Variants in WAC observed in about 807,000 individuals in gnomAD.
WAC encodes the protein WW domain containing adaptor with coiled-coil, also known as WW domain-containing adapter protein with coiled-coil.
A neutral mutation model predicts 79.6 loss-of-function variants in WAC; 11 were observed. The observed-to-expected ratio is 0.14, with a 90% confidence interval of 0.09 to 0.23. The LOEUF is 0.23. Ranked by LOEUF, WAC falls within the 10% of genes least tolerant of loss-of-function variation. The pLI, the probability that WAC is intolerant of heterozygous loss-of-function variation, is 1.00. For synonymous variants in WAC, 304 were observed against 276.9 expected, an observed-to-expected ratio of 1.10 and a Z score of -0.97; for missense variants, 728 against 773.5, an observed-to-expected ratio of 0.94 and a Z score of 0.70.
intron 3 of WAC, among the ~76,000 whole-genome samples, chr10:28,568,708 G>A (rs1287264611): frequency 4.6e-5 from 7 of 151,830 alleles, no homozygotes; most frequent in South Asian, 2.1e-4. Flanking sequence ...CACACCCCAC[G>A]ACAGGCCCTG....
intron 7 of WAC, among the ~76,000 whole-genome samples, chr10:28,603,778 C>CA (rs1369048628): frequency 6.6e-6 from 1 of 150,804 alleles, no homozygotes; most frequent in African/African-American, 2.4e-5. Context: ...ACTAAAAATA[C>CA]AAAAAATTAG....
chr10:28,606,050 T>C (rs1399909237), intron 7 of WAC, among the ~76,000 whole-genome samples: 1 of 63,558 alleles, frequency 1.6e-5, no homozygotes, highest in Admixed American at 2.1e-4. Flanking sequence ...GACAGCAGTT[T>C]TTTGGTTTTT....
intron 7 of WAC, among the ~76,000 whole-genome samples, chr10:28,600,951 G>GTTAT (rs1840613930): frequency 6.6e-6 from 1 of 151,824 alleles, no homozygotes; most frequent in Non-Finnish European, 1.5e-5. Flanking sequence ...CACCGAGAAT[G>GTTAT]GATCAAAGAC....
chr10:28,594,646 A>G (rs1032192105), intron 6 of WAC, among the ~76,000 whole-genome samples: 3 of 152,100 alleles, frequency 2.0e-5, no homozygotes, highest in Admixed American at 6.5e-5. Flanking sequence ...ACTGACTTCT[A>G]GTTTGAATGT....
At chr10:28,601,116 T>C (rs1377834749) in intron 7 of WAC, among the ~76,000 whole-genome samples, 3 of 152,138 alleles carry the variant, frequency 2.0e-5, no homozygotes, top group African/African-American at 7.2e-5. Context: ...TAAAAACTTG[T>C]ACATCAAAGG....
At chr10:28,619,429 A>T in intron 13 of WAC, 108 bp from the exon 14 acceptor site, 1 of 804,112 alleles carries the variant, frequency 1.2e-6, no homozygotes, top group Non-Finnish European at 1.9e-6. Context: ...TCTTTGCCTT[A>T]ATTAGAAATC....
At chr10:28,539,069 A>T (rs1564371097) in intron 3 of WAC, among the ~76,000 whole-genome samples, 1 of 152,122 alleles carries the variant, frequency 6.6e-6, no homozygotes, top group South Asian at 2.1e-4. Flanking sequence ...TTCTTTACTA[A>T]TAATAACCTA....
intron 2 of WAC, chr10:28,535,335 GT>G (rs1292434190): frequency 8.9e-5 from 26 of 291,518 alleles, no homozygotes; most frequent in African/African-American, 3.0e-4. Flanking sequence ...AATGGAGTGG[GT>G]TTTTTTTGTG....
Position 28,590,799 on chromosome 10 carries a change from C to G in WAC, c.577C>G (p.Gln193Glu), listed in dbSNP as rs963822803. 7.4e-6 allele frequency: 12 copies of G among 1,611,600 alleles called. No individual in the cohort carries two copies. The highest frequency in any genetic ancestry group is 1.3e-5 in the African/African-American group (1 of 74,836). Residue 193 changes from glutamine to glutamate, a missense_variant, in exon 6 of 14, where the codon CAA becomes GAA. By Grantham distance (29) the Gln-to-Glu change is conservative. Around this residue, in one of 3 missense-constraint regions of WAC, gnomAD observed 648 missense variants for 661.5 expected, o/e 0.98. Coordinates refer to ENST00000354911, the MANE Select transcript of WAC (RefSeq NM_016628.5). Reference protein sequence around the residue: ...KDRDYRREVMQATATSGFASG... With the variant: ...KDRDYRREVMEATATSGFASG... ...TAGGGATTACAGAAGAGAGGTGATG[C>G]AAGCAACAGCCACTAGTGGGTTTGC...
intron 7 of WAC, among the ~76,000 whole-genome samples, chr10:28,600,351 T>C (rs1412209148): frequency 1.3e-5 from 2 of 152,038 alleles, no homozygotes; most frequent in African/African-American, 2.4e-5. Flanking sequence ...TAAATGACAA[T>C]TGAATGAACT....
In WAC at chr10:28,535,718, A is replaced by C. The variant is rs1303608590; in HGVS notation, c.235A>C (p.Lys79Gln). ...YSDSTGHSKAKNVHTHRVRER... is the reference protein window; with the variant it reads ...YSDSTGHSKAQNVHTHRVRER... Reference sequence around the variant, plus strand: ...TGACAGCACAGGTCACAGTAAGGCCAAAAATGTGCATACTCACAGAGTTAG... The same window carrying C: ...TGACAGCACAGGTCACAGTAAGGCCCAAAATGTGCATACTCACAGAGTTAG... The change falls in exon 3 of 14, where the codon AAA (lysine) becomes CAA (glutamine). Residue 79 changes from lysine (K) to glutamine (Q), a missense_variant. This residue lies in a region of WAC where 648 missense variants were observed against 661.5 expected (regional missense o/e 0.98). Transcript: ENST00000354911. 1 of 1,613,616 alleles carries C rather than the reference A, an allele frequency of 6.2e-7. No homozygotes were observed. Among genetic ancestry groups the C allele is most frequent in the African/African-American group, 1.3e-5 (1 of 74,904 alleles).
chr10:28,541,353 A>C (rs1406774190), intron 3 of WAC, among the ~76,000 whole-genome samples: 2 of 149,936 alleles, frequency 1.3e-5, no homozygotes, highest in South Asian at 4.2e-4. Context: ...CAGGCACTAG[A>C]TATAACTCAT....
Position 28,533,189 on chromosome 10 carries a change from G to GAGT in WAC, c.-389_-388insTAG. 1 of 172,256 alleles carries GAGT rather than the reference G, an allele frequency of 5.8e-6. No homozygotes were observed. The highest frequency in any genetic ancestry group is 1.1e-4 in the South Asian group (1 of 8,912). 10.7% of individuals were successfully genotyped at this position (172,256 alleles called of 1,614,324 possible). Reference sequence around the variant, plus strand: ...GCGGCGGCGGCGGCGGGAGGAGGAGGAGGAGAAGAAGGACCAGGCGGCGGC... The same window carrying GAGT: ...GCGGCGGCGGCGGCGGGAGGAGGAGGAGTAGGAGAAGAAGGACCAGGCGGCGGC... On this transcript the variant is annotated 5_prime_UTR_variant, in exon 1 of 14. Coordinates refer to ENST00000354911, the MANE Select transcript of WAC (RefSeq NM_016628.5).
intron 3 of WAC, among the ~76,000 whole-genome samples, chr10:28,543,392 C>T (rs1366728962): frequency 1.3e-5 from 2 of 152,182 alleles, no homozygotes; most frequent in African/African-American, 4.8e-5. Flanking sequence ...TAATGACATA[C>T]TTTACATTCC....
At chr10:28,535,158 T>C (rs1353780990) in intron 2 of WAC, 1 of 151,038 alleles carries the variant, frequency 6.6e-6, no homozygotes, top group Non-Finnish European at 1.5e-5. Flanking sequence ...AAAATATGCA[T>C]GTGCTTATTT....
At chr10:28,601,363 T>TA (rs1840639260) in intron 7 of WAC, among the ~76,000 whole-genome samples, 1 of 152,132 alleles carries the variant, frequency 6.6e-6, no homozygotes, top group Admixed American at 6.5e-5. Flanking sequence ...CATAATGAAA[T>TA]ACCACTTAAT....
intron 3 of WAC, among the ~76,000 whole-genome samples, chr10:28,547,418 C>G (rs1370813325): frequency 6.6e-6 from 1 of 151,922 alleles, no homozygotes; most frequent in Non-Finnish European, 1.5e-5. Flanking sequence ...GCCTGTAATC[C>G]CAGCTACCTG....
At chr10:28,613,873 C>G (rs1405663389) in intron 10 of WAC, among the ~76,000 whole-genome samples, 1 of 152,188 alleles carries the variant, frequency 6.6e-6, no homozygotes, top group East Asian at 1.9e-4. Flanking sequence ...GGACTTCAGT[C>G]TACCTCTGTA....
intron 3 of WAC, among the ~76,000 whole-genome samples, chr10:28,558,372 G>A (rs1400118080): frequency 1.3e-5 from 2 of 152,096 alleles, no homozygotes; most frequent in African/African-American, 4.8e-5. Context: ...CAGAAGCAGC[G>A]CAAAGAAATT....
Sources: gnomAD v4.1 joint callset for allele counts (sites outside exome capture counted in the v4.1 genomes callset) on GRCh38, gnomAD v4.1.1 for gene constraint, gnomAD v4.1.1 regional missense constraint, MANE v1.5 for transcripts, NCBI Gene and HGNC (gene_info 2026-07-23, HGNC 2026-07-21) for gene names.